Variants in AMBRA1 observed in about 807,000 individuals in gnomAD.
The protein encoded by AMBRA1 is autophagy and beclin 1 regulator 1, also known as activating molecule in BECN1-regulated autophagy protein 1.
In AMBRA1, 47 loss-of-function variants were observed where a neutral mutation model predicts 125.4. The ratio of observed to expected loss-of-function variants is 0.37; its 90% confidence interval spans 0.30 to 0.48. The LOEUF is 0.48. Ranked by LOEUF, AMBRA1 falls within the 20% of genes least tolerant of loss-of-function variation. AMBRA1 has a pLI of 0.99. For synonymous variants in AMBRA1, 626 were observed against 655.5 expected (o/e 0.95, Z 0.69); for missense variants, 1,331 against 1,693.4 (o/e 0.79, Z 3.76).
At chr11:46,524,999 T>C (rs1484619926) in intron 7 of AMBRA1, among the ~76,000 whole-genome samples, 1 of 152,214 alleles carries the variant, frequency 6.6e-6, no homozygotes. Context: ...ATATCAGTAC[T>C]ATATAAAATA....
chr11:46,529,199 T>C (rs1033912564), intron 7 of AMBRA1, among the ~76,000 whole-genome samples: 5 of 152,176 alleles, frequency 3.3e-5, no homozygotes, highest in Non-Finnish European at 5.9e-5. Flanking sequence ...CATAGTCCAT[T>C]TACATAGTCC....
chr11:46,485,578 C>T (rs991262579), intron 11 of AMBRA1, among the ~76,000 whole-genome samples: 2 of 152,176 alleles, frequency 1.3e-5, no homozygotes, highest in Non-Finnish European at 2.9e-5. Flanking sequence ...TCCCTGAGGG[C>T]AGAATCATTT....
At chr11:46,422,483 C>G (rs1946892427) in intron 14 of AMBRA1, among the ~76,000 whole-genome samples, 1 of 152,078 alleles carries the variant, frequency 6.6e-6, no homozygotes, top group African/African-American at 2.4e-5. Flanking sequence ...CTCTCTACCC[C>G]TCAAACTCTA....
chr11:46,552,002 T>TG (rs2043015799), intron 1 of AMBRA1, among the ~76,000 whole-genome samples: 1 of 151,314 alleles, frequency 6.6e-6, no homozygotes, highest in African/African-American at 2.4e-5. Flanking sequence ...CACTCCGGCC[T>TG]GGGTGACAGA....
intron 15 of AMBRA1, among the ~76,000 whole-genome samples, chr11:46,411,056 C>T (rs542182171): frequency 4.5e-4 from 67 of 147,680 alleles, no homozygotes; most frequent in African/African-American, 1.4e-3. Flanking sequence ...GCTGAGATCG[C>T]GCCACTGTAC....
At chr11:46,562,614 A>G (rs960197460) in intron 1 of AMBRA1, among the ~76,000 whole-genome samples, 4 of 152,196 alleles carry the variant, frequency 2.6e-5, no homozygotes, top group Admixed American at 2.0e-4. Flanking sequence ...TAGTGGAGAC[A>G]CTTATTGAGA....
chr11:46,522,454 T>C (rs1462213012), intron 7 of AMBRA1, among the ~76,000 whole-genome samples: 2 of 151,822 alleles, frequency 1.3e-5, no homozygotes, highest in African/African-American at 4.8e-5. Flanking sequence ...ACCACAGACT[T>C]TTTTTTTAAC....
chr11:46,447,090 T>C (rs1815306316), intron 11 of AMBRA1, among the ~76,000 whole-genome samples: 1 of 152,182 alleles, frequency 6.6e-6, no homozygotes, highest in Non-Finnish European at 1.5e-5. Context: ...ACTTACAGGA[T>C]TGTTGGAAGA....
chr11:46,539,276 G>A lies in AMBRA1; in HGVS notation c.2072+2669C>T, dbSNP rs548893227. Among the ~76,000 whole-genome samples the A allele has an allele frequency of 7.2e-5, 11 of 152,092 alleles. No homozygotes were observed. In the South Asian group the frequency reaches 1.5e-3, roughly 20 times the overall value. On this transcript the variant is annotated intron_variant, in intron 7 of 17. Transcript: ENST00000683756. ...TGGTTCACTTAAAAATGAAGTTATC[G>A]GCCAGGCGCAGTGGCTCACACCTGG...
intron 1 of AMBRA1, among the ~76,000 whole-genome samples, chr11:46,555,521 C>T (rs917926593): frequency 1.2e-4 from 18 of 152,100 alleles, no homozygotes; most frequent in African/African-American, 4.3e-4. Flanking sequence ...CTATTGAATC[C>T]TCTCTGAGGT....
intron 1 of AMBRA1, among the ~76,000 whole-genome samples, chr11:46,586,133 G>A (rs1353778167): frequency 2.0e-5 from 3 of 152,138 alleles, no homozygotes; most frequent in Non-Finnish European, 4.4e-5. Context: ...AAAACTGGAC[G>A]CACTGGCTCA....
At chr11:46,537,397 C>T (rs1952528392) in intron 7 of AMBRA1, among the ~76,000 whole-genome samples, 1 of 152,180 alleles carries the variant, frequency 6.6e-6, no homozygotes, top group African/African-American at 2.4e-5. Context: ...TTTACTCTCT[C>T]TGTTTTGTCA....
intron 8 of AMBRA1, among the ~76,000 whole-genome samples, chr11:46,508,746 C>T (rs931515989): frequency 1.1e-4 from 16 of 152,184 alleles, no homozygotes; most frequent in African/African-American, 3.1e-4. Flanking sequence ...ACCATCCATA[C>T]GCAAAATGGA....
At chr11:46,421,138 G>GAGATGA (rs1590758866) in intron 14 of AMBRA1, among the ~76,000 whole-genome samples, 1 of 152,260 alleles carries the variant, frequency 6.6e-6, no homozygotes, top group African/African-American at 2.4e-5. Flanking sequence ...CAATATGATA[G>GAGATGA]ATGAACCCAG....
intron 1 of AMBRA1, among the ~76,000 whole-genome samples, chr11:46,562,803 CT>C (rs35415731): frequency 0.065 from 9,246 of 142,820 alleles, 849 homozygotes; most frequent in African/African-American, 0.21. Flanking sequence ...AACATTGGTT[CT>C]TTTTTTTTTT....
chr11:46,593,732 G>A (rs1187361732), intron 1 of AMBRA1, 96 bp downstream of exon 1: 2 of 383,938 alleles, frequency 5.2e-6, no homozygotes, highest in Middle Eastern at 6.4e-4. Context: ...GTGTCACGGC[G>A]GCCGGCCAGC....
intron 15 of AMBRA1, among the ~76,000 whole-genome samples, chr11:46,416,411 C>G (rs1330508229): frequency 6.6e-6 from 1 of 152,192 alleles, no homozygotes; most frequent in Non-Finnish European, 1.5e-5. Flanking sequence ...ACAAAACATT[C>G]TTGCAGCTCC....
chr11:46,560,043 G>T (rs1003218686), intron 1 of AMBRA1, among the ~76,000 whole-genome samples: 2 of 152,130 alleles, frequency 1.3e-5, no homozygotes, highest in Non-Finnish European at 2.9e-5. Context: ...GATTGCAAAG[G>T]AAACTACAGT....
intron 7 of AMBRA1, among the ~76,000 whole-genome samples, chr11:46,537,553 T>TCCTG (rs1164475373): frequency 2.0e-5 from 3 of 152,158 alleles, no homozygotes; most frequent in Non-Finnish European, 4.4e-5. Flanking sequence ...TTCTGCTGGA[T>TCCTG]CCTGCACTCC....
Sources: allele counts gnomAD v4.1 joint callset (sites outside exome capture counted in the v4.1 genomes callset), GRCh38; gene constraint gnomAD v4.1.1; transcripts MANE v1.5; gene names NCBI Gene and HGNC (gene_info 2026-07-23, HGNC 2026-07-21).